Variants in RAD51B observed in about 807,000 individuals in gnomAD.
RAD51B encodes the protein DNA repair protein RAD51 homolog 2.
In RAD51B, 38 loss-of-function variants were observed where a neutral mutation model predicts 42.2. The observed-to-expected ratio is 0.90, with a 90% CI of 0.70 to 1.18. The LOEUF (loss-of-function observed/expected upper bound fraction) is 1.18. RAD51B is among the 50% of genes most tolerant of loss of function. The pLI is 0.00. For synonymous variants in RAD51B, 154 were observed against 145.2 expected (o/e 1.06, Z -0.43); for missense variants, 373 against 400.7 (o/e 0.93, Z 0.59).
At chr14:67,878,260 A>G (rs980336216) in intron 5 of RAD51B, among the ~76,000 whole-genome samples, 3 of 152,110 alleles carry the variant, frequency 2.0e-5, no homozygotes, top group Non-Finnish European at 4.4e-5. Context: ...ATTTTGTCAT[A>G]CTTGCGGGAA....
chr14:68,638,058 G>A (rs1028596196), intron 10 of RAD51B, among the ~76,000 whole-genome samples: 32 of 152,350 alleles, frequency 2.1e-4, no homozygotes, highest in African/African-American at 2.6e-4. Context: ...GAGGTAAGAG[G>A]CCTCAAAGTC....
At chr14:68,395,786 GC>G (rs1264989938) in intron 8 of RAD51B, among the ~76,000 whole-genome samples, 1 of 152,174 alleles carries the variant, frequency 6.6e-6, no homozygotes, top group Non-Finnish European at 1.5e-5. Flanking sequence ...AGGGGTGTTT[GC>G]CCCAGGACTG....
At chr14:67,944,988 A>G (rs2045341197) in intron 7 of RAD51B, among the ~76,000 whole-genome samples, 1 of 152,224 alleles carries the variant, frequency 6.6e-6, no homozygotes. Flanking sequence ...AGTAAGAATC[A>G]TACCTACCTT....
At chr14:68,094,087 T>G (rs1329212385) in intron 7 of RAD51B, among the ~76,000 whole-genome samples, 1 of 152,250 alleles carries the variant, frequency 6.6e-6, no homozygotes, top group Non-Finnish European at 1.5e-5. Context: ...TTTCTCTGAT[T>G]ACTAATGAAA....
At chr14:68,571,304 A>G (rs2140039995) in intron 10 of RAD51B, among the ~76,000 whole-genome samples, 1 of 152,310 alleles carries the variant, frequency 6.6e-6, no homozygotes, top group South Asian at 2.1e-4. Context: ...CAACAGTACA[A>G]ATCAATTACC....
chr14:68,588,660 CT>C (rs1890601484), intron 10 of RAD51B, among the ~76,000 whole-genome samples: 2 of 152,292 alleles, frequency 1.3e-5, no homozygotes, highest in South Asian at 4.1e-4. Flanking sequence ...TAAATGGCTC[CT>C]TGGCGGTTCC....
intron 10 of RAD51B, among the ~76,000 whole-genome samples, chr14:68,588,212 C>T (rs1411576197): frequency 6.6e-6 from 1 of 152,118 alleles, no homozygotes; most frequent in Non-Finnish European, 1.5e-5. Flanking sequence ...CAGTTTCCTC[C>T]CCTTTACAGC....
rs975287466 is a variant in RAD51B, at chr14:68,565,879, T to A, written c.1037-28606T>A. On this transcript the variant is annotated intron_variant, in intron 10 of 10. Coordinates refer to the RAD51B transcript ENST00000487270. The surrounding 1 kb of genome is among the most constrained non-coding windows in gnomAD (Gnocchi z 4.1). The stretch of plus-strand genomic sequence containing the variant: ...GGGGAGGGTATCTGGATCTTTTCCC[T>A]GGAGGTGTCTGGCCACTCTCATCCC... Among the ~76,000 whole-genome samples, 2 of 152,184 alleles carry A rather than the reference T, an allele frequency of 1.3e-5. No homozygotes were observed. The highest frequency in any genetic ancestry group is 4.8e-5 in the African/African-American group (2 of 41,438).
At chr14:68,226,737 C>T in intron 7 of RAD51B, among the ~76,000 whole-genome samples, 1 of 152,168 alleles carries the variant, frequency 6.6e-6, no homozygotes, top group East Asian at 1.9e-4. Context: ...ACCCATTTTA[C>T]AGGTGAGCAA....
intron 10 of RAD51B, among the ~76,000 whole-genome samples, chr14:68,587,397 A>T (rs565908652): frequency 6.6e-6 from 1 of 152,126 alleles, no homozygotes; most frequent in South Asian, 2.1e-4. Flanking sequence ...TGTAATTACG[A>T]GCTGGAGAAG....
intron 7 of RAD51B, among the ~76,000 whole-genome samples, chr14:68,220,604 A>T (rs563043076): frequency 2.6e-5 from 4 of 152,344 alleles, no homozygotes; most frequent in South Asian, 2.1e-4. Context: ...TAGTACTGGA[A>T]GTCCTAGCCA....
intron 8 of RAD51B, among the ~76,000 whole-genome samples, chr14:68,360,499 C>T (rs1330656638): frequency 6.6e-6 from 1 of 152,238 alleles, no homozygotes; most frequent in Non-Finnish European, 1.5e-5. Context: ...GTGTTACCAG[C>T]AGCAGCAGTA....
At chr14:68,259,266 A>G (rs1010203112) in intron 7 of RAD51B, among the ~76,000 whole-genome samples, 4 of 142,234 alleles carry the variant, frequency 2.8e-5, no homozygotes, top group Non-Finnish European at 4.6e-5. Context: ...GAGTGAGGAC[A>G]CAGGAAGGGG....
At chr14:68,559,904 G>C (rs1001368094) in intron 10 of RAD51B, among the ~76,000 whole-genome samples, 1 of 152,174 alleles carries the variant, frequency 6.6e-6, no homozygotes, top group African/African-American at 2.4e-5. Flanking sequence ...CAGTGCTGAA[G>C]GCAGCAGCTC....
At chr14:68,189,141 T>C (rs1041922475) in intron 7 of RAD51B, among the ~76,000 whole-genome samples, 1 of 152,004 alleles carries the variant, frequency 6.6e-6, no homozygotes, top group African/African-American at 2.4e-5. Context: ...ATTATATATT[T>C]GTTACTATAT....
intron 7 of RAD51B, among the ~76,000 whole-genome samples, chr14:68,148,190 A>T (rs2078295397): frequency 1.3e-5 from 2 of 152,128 alleles, no homozygotes. Context: ...GTAGTTTTCC[A>T]CTGTATGTAT....
chr14:68,098,121 C>G (rs760853264), intron 7 of RAD51B, among the ~76,000 whole-genome samples: 2 of 152,182 alleles, frequency 1.3e-5, no homozygotes, highest in Admixed American at 1.3e-4. Flanking sequence ...ACTTACTTAT[C>G]TAGGGGCTTT....
chr14:68,032,198 G>A (rs2076057646), intron 7 of RAD51B, among the ~76,000 whole-genome samples: 2 of 152,126 alleles, frequency 1.3e-5, no homozygotes, highest in Admixed American at 1.3e-4. Context: ...AGCATAGCAG[G>A]TACACAGTAA....
intron 7 of RAD51B, among the ~76,000 whole-genome samples, chr14:68,286,653 T>A (rs1229839177): frequency 2.0e-5 from 3 of 152,142 alleles, no homozygotes; most frequent in African/African-American, 7.2e-5. Flanking sequence ...TGGGGCCCCC[T>A]CCCCTTCCAC....
Sources: gnomAD v4.1 joint callset for allele counts (sites outside exome capture counted in the v4.1 genomes callset) on GRCh38, gnomAD v4.1.1 for gene constraint, Gnocchi (gnomAD v3.1) non-coding constraint, MANE v1.5 for transcripts, NCBI Gene and HGNC (gene_info 2026-07-23, HGNC 2026-07-21) for gene names.